Variants in NOS1 observed in about 807,000 individuals in gnomAD.
NOS1 encodes the protein NOS type I.
Under a neutral mutation model 164.5 loss-of-function variants are expected in NOS1, and 51 were observed. That is an observed-to-expected ratio of 0.31 (90% CI 0.25 to 0.39). The LOEUF is 0.39. Ranked by LOEUF, NOS1 falls within the 10% of genes least tolerant of loss-of-function variation. The probability of loss-of-function intolerance (pLI) is 1.00; values close to 1 mark genes in which losing one functional copy is unlikely to be tolerated. For synonymous variants in NOS1, 719 were observed against 745.8 expected, an observed-to-expected ratio of 0.96 and a Z score of 0.59; for missense variants, 1,362 against 1,885.6, an observed-to-expected ratio of 0.72 and a Z score of 5.14.
intron 2 of NOS1, among the ~76,000 whole-genome samples, chr12:117,316,932 G>A (rs1439584721): frequency 1.3e-5 from 2 of 152,282 alleles, no homozygotes; most frequent in East Asian, 3.9e-4. Context: ...CCAGGTTGGA[G>A]TGCAGTGGCA....
At chr12:117,332,219 C>A (rs1300178861) in intron 1 of NOS1, among the ~76,000 whole-genome samples, 1 of 152,150 alleles carries the variant, frequency 6.6e-6, no homozygotes, top group South Asian at 2.1e-4. Flanking sequence ...GGAAAAATCC[C>A]AAAGACTAAA....
intron 3 of NOS1, among the ~76,000 whole-genome samples, chr12:117,301,213 T>G (rs1189235537): frequency 2.6e-5 from 4 of 152,154 alleles, no homozygotes. Flanking sequence ...CTGCAACCTC[T>G]GTCTCCCAGG....
At position 117,214,950 on chromosome 12, in the gene NOS1, C is replaced by T. The variant is rs1187075065; in HGVS notation, c.*359G>A. The T allele has an allele frequency of 9.5e-7, 1 of 1,057,638 alleles. No individual in the cohort carries two copies. Among genetic ancestry groups the T allele is most frequent in the African/African-American group, 1.7e-5 (1 of 59,930 alleles). 65.5% of individuals were successfully genotyped at this position (1,057,638 alleles called of 1,614,324 possible). A position where few individuals can be genotyped will look rare whatever the true frequency, so the allele number is the denominator to read the frequency against. On this transcript the variant is annotated 3_prime_UTR_variant, in exon 29 of 29. Coordinates refer to ENST00000317775, the MANE Select transcript of NOS1 (RefSeq NM_000620.5). ...AGGGACTGGCTCAGAGAGCTTGTGC[C>T]TAGTTCCTGCAGCCTTTCCAGGGGA...
At chr12:117,257,607 C>CTTTTTTTTTTT (rs151304592) in intron 16 of NOS1, among the ~76,000 whole-genome samples, 5 of 99,122 alleles carry the variant, frequency 5.0e-5, no homozygotes, top group Non-Finnish European at 7.5e-5. Context: ...TTGATTTTAG[C>CTTTTTTTTTTT]TTTTTTTTTT....
At chr12:117,215,349 A>G in intron 28 of NOS1, 25 bp from the exon 29 acceptor site, 1 of 1,521,382 alleles carries the variant, frequency 6.6e-7, no homozygotes, top group Non-Finnish European at 8.8e-7. Flanking sequence ...GTTGGGGGGC[A>G]GTTAGTGCCC....
chr12:117,239,811 T>G (rs1031691729), intron 20 of NOS1, among the ~76,000 whole-genome samples: 2 of 152,202 alleles, frequency 1.3e-5, no homozygotes, highest in Non-Finnish European at 2.9e-5. Context: ...CAGAACATAC[T>G]TTTTAAGAGA....
At chr12:117,361,088 A>C (rs1440678939) in intron 1 of NOS1, among the ~76,000 whole-genome samples, 1 of 151,972 alleles carries the variant, frequency 6.6e-6, no homozygotes. Flanking sequence ...AGCCCTGGGG[A>C]CGGAGAAGGG....
chr12:117,280,923 A>G (rs1873597785), intron 7 of NOS1, 57 bp from the exon 8 acceptor site: 5 of 1,579,334 alleles, frequency 3.2e-6, no homozygotes, highest in African/African-American at 2.7e-5. Flanking sequence ...CTGTGGGAAC[A>G]TACTAAACAT....
intron 1 of NOS1, among the ~76,000 whole-genome samples, chr12:117,338,805 A>G (rs1875960100): frequency 6.6e-6 from 1 of 152,174 alleles, no homozygotes; most frequent in Admixed American, 6.5e-5. Flanking sequence ...TACATGAATA[A>G]TATCAAAGAA....
chr12:117,270,571 TATAGAAGAACA>T (rs1298238080), intron 10 of NOS1, among the ~76,000 whole-genome samples: 1 of 152,122 alleles, frequency 6.6e-6, no homozygotes, highest in African/African-American at 2.4e-5. Flanking sequence ...GGAAAGTATG[TATAGAAGAACA>T]ATGCTATTGT....
At position 117,331,014 on chromosome 12, in the gene NOS1, C is replaced by T. The variant is rs374891208; in HGVS notation, c.56G>A (p.Arg19His). The change falls in exon 2 of 29, where the codon CGT (arginine) becomes CAT (histidine). Residue 19 changes from arginine to histidine, a missense_variant. Physicochemically the swap from Arg to His is conservative, Grantham distance 29. Around this residue, in one of 4 missense-constraint regions of NOS1, gnomAD observed 362 missense variants for 402.0 expected, o/e 0.90. Transcript: ENST00000317775. The part of the protein sequence containing the change: ...QQIQPNVISV[R>H]LFKRKVGGLG... ...GCCCCCAACTTTGCGCTTGAAGAGA[C>T]GAACAGAAATGACATTGGGCTGGAT... The T allele has an allele frequency of 2.5e-6, 4 of 1,614,160 alleles. No homozygotes were observed. Among genetic ancestry groups the T allele is most frequent in the South Asian group, 1.1e-5 (1 of 91,078 alleles).
Position 117,309,480 on chromosome 12 carries a change from C to T in NOS1, c.852+1986G>A, listed in dbSNP as rs1475350529. 32 of 660,166 alleles carry T rather than the reference C, an allele frequency of 4.8e-5. No homozygotes were observed. In the Admixed American group the frequency reaches 2.0e-3, roughly 42 times the overall value. 40.9% of individuals were successfully genotyped at this position (660,166 alleles called of 1,614,324 possible). Reference sequence around the variant, plus strand: ...GCAGTGAAAGCTGCCATCTGTAGGCCAAGCATCAGGAAAATGAAGCCGGTC... The same window carrying T: ...GCAGTGAAAGCTGCCATCTGTAGGCTAAGCATCAGGAAAATGAAGCCGGTC... On this transcript the variant is annotated intron_variant, in intron 3 of 28. Transcript: ENST00000317775.
chr12:117,294,868 A>T (rs113114889), intron 3 of NOS1, among the ~76,000 whole-genome samples: 1 of 152,132 alleles, frequency 6.6e-6, no homozygotes, highest in South Asian at 2.1e-4. Flanking sequence ...AAAGGAGGCC[A>T]TGATCTCATG....
chr12:117,242,968 G>C (rs1180659111), intron 19 of NOS1, among the ~76,000 whole-genome samples: 1 of 152,210 alleles, frequency 6.6e-6, no homozygotes, highest in Admixed American at 6.5e-5. Context: ...TAGAATGAGA[G>C]ACAGAAGAGA....
chr12:117,273,950 G>C (rs1872976599), intron 9 of NOS1, among the ~76,000 whole-genome samples: 1 of 152,004 alleles, frequency 6.6e-6, no homozygotes, highest in African/African-American at 2.4e-5. Flanking sequence ...GGCAACAAAA[G>C]CAAAAATAAA....
At chr12:117,271,467 G>A (rs1026597666) in intron 10 of NOS1, among the ~76,000 whole-genome samples, 1 of 152,092 alleles carries the variant, frequency 6.6e-6, no homozygotes, top group Non-Finnish European at 1.5e-5. Flanking sequence ...TAGTAGAGAC[G>A]GGGTTTCACC....
chr12:117,320,192 T>C lies in NOS1; in HGVS notation c.726-8600A>G, dbSNP rs544585162. Among the ~76,000 whole-genome samples, 7 of 152,282 alleles carry C rather than the reference T, an allele frequency of 4.6e-5. No homozygotes were observed. In the South Asian group the frequency reaches 1.2e-3, roughly 27 times the overall value. On this transcript the variant is annotated intron_variant, in intron 2 of 28. Coordinates refer to ENST00000317775, the MANE Select transcript of NOS1 (RefSeq NM_000620.5). ...ATCTCAGGTCCTAAACCCTTGAACC[T>C]GTATATGTTTCCTTAGATGGAGAAA...
chr12:117,359,876 TTATATATATATATATATATATATATA>T (rs56787288), intron 1 of NOS1, among the ~76,000 whole-genome samples: 458 of 36,984 alleles, frequency 0.012, 32 homozygotes, highest in South Asian at 0.038. Context: ...AATAATGGTT[TTATATATATATATATATATATATATA>T]TATATATATA....
At chr12:117,358,089 T>C (rs535587843) in intron 1 of NOS1, among the ~76,000 whole-genome samples, 2 of 152,276 alleles carry the variant, frequency 1.3e-5, no homozygotes, top group South Asian at 2.1e-4. Context: ...AGGCAACACA[T>C]GAAGTCTTGT....
Sources: gnomAD v4.1 joint callset for allele counts (sites outside exome capture counted in the v4.1 genomes callset) on GRCh38, gnomAD v4.1.1 for gene constraint, gnomAD v4.1.1 regional missense constraint, MANE v1.5 for transcripts, NCBI Gene and HGNC (gene_info 2026-07-23, HGNC 2026-07-21) for gene names.